The following SIRT2 variants were observed in gnomAD, a reference collection of about 807,000 sequenced individuals.
SIRT2 encodes the protein sirtuin 2.
In SIRT2, 40 loss-of-function variants were observed where a neutral mutation model predicts 57.4. That is an observed-to-expected ratio of 0.70 (90% CI 0.54 to 0.91). SIRT2 has a LOEUF of 0.91. Among genes scored for constraint, SIRT2 ranks in the 40% least tolerant of loss-of-function variants. SIRT2 has a pLI of 0.00. For missense variants in SIRT2, 439 were observed against 510.4 expected (o/e 0.86, Z 1.35); for synonymous variants, 161 against 195.7 (o/e 0.82, Z 1.48).
At chr19:38,898,248 G>C (rs937327571) in intron 2 of SIRT2, 131 bp downstream of exon 2, 3 of 523,560 alleles carry the variant, frequency 5.7e-6, no homozygotes, top group Admixed American at 4.0e-5. Context: ...AGCTGCACTG[G>C]GTGGTGTGAG....
At chr19:38,896,251 TAGCTA>T (rs1973713046) in intron 2 of SIRT2, among the ~76,000 whole-genome samples, 1 of 152,364 alleles carries the variant, frequency 6.6e-6, no homozygotes, top group East Asian at 1.9e-4. Flanking sequence ...TAACCACTGT[TAGCTA>T]AGCTTAATGG....
intron 2 of SIRT2, among the ~76,000 whole-genome samples, chr19:38,897,114 C>A (rs1327801060): frequency 2.6e-5 from 4 of 152,184 alleles, no homozygotes; most frequent in African/African-American, 9.6e-5. Flanking sequence ...TCAGATTCTG[C>A]ATCTGTAAAA....
intron 2 of SIRT2, among the ~76,000 whole-genome samples, chr19:38,895,615 C>T (rs1166046802): frequency 2.6e-5 from 4 of 152,224 alleles, no homozygotes; most frequent in Admixed American, 1.3e-4. Context: ...TCCGAACATA[C>T]GACAATTTAA....
rs147275971 is a variant in SIRT2, at chr19:38,892,900, G to A, written c.226+514C>T. On this transcript the variant is annotated intron_variant, in intron 4 of 15. Coordinates refer to ENST00000249396, the MANE Select transcript of SIRT2 (RefSeq NM_012237.4). ...GTCCTATATTAATTTATTTAGCCCC[G>A]CCAATAACCTTATGAGTTAGATACT... Among the ~76,000 whole-genome samples the A allele has an allele frequency of 2.5e-3, 385 of 152,178 alleles. 2 individuals carry two copies. Among genetic ancestry groups the A allele is most frequent in the African/African-American group, 8.8e-3 (364 of 41,516 alleles).
At chr19:38,885,752 A>G (rs544858116) in intron 8 of SIRT2, among the ~76,000 whole-genome samples, 3 of 151,766 alleles carry the variant, frequency 2.0e-5, no homozygotes, top group Admixed American at 1.3e-4. Context: ...CACCATGCCT[A>G]GCTAATTTTT....
chr19:38,887,645 G>GA (rs1973384666), intron 8 of SIRT2, among the ~76,000 whole-genome samples: 1 of 152,216 alleles, frequency 6.6e-6, no homozygotes, highest in South Asian at 2.1e-4. Context: ...CTTAAAGCCA[G>GA]TTGTTCCTCC....
chr19:38,885,408 G>GTTTTCTTTTC (rs1283970712), intron 8 of SIRT2, among the ~76,000 whole-genome samples: 1 of 150,326 alleles, frequency 6.7e-6, no homozygotes, highest in African/African-American at 2.4e-5. Flanking sequence ...CCCAGCCACT[G>GTTTTCTTTTC]TTTTCTTTTC....
chr19:38,891,659 A>C (rs980507544), intron 4 of SIRT2: 2 of 320,444 alleles, frequency 6.2e-6, no homozygotes, highest in African/African-American at 4.5e-5. Flanking sequence ...GTCTTGACCT[A>C]CTGGCCTCAA....
In SIRT2 at chr19:38,896,865, G is replaced by C. The variant is rs113461482; in HGVS notation, c.63+1514C>G. Among the ~76,000 whole-genome samples, 719 of 152,286 alleles carry C rather than the reference G, an allele frequency of 4.7e-3. 4 individuals carry two copies. The highest frequency in any genetic ancestry group is 0.017 in the African/African-American group (686 of 41,564). ...GCAATCTCAGGGGTGTGGGTGGGCT[G>C]GCACTCTTTCAGGCTGTACACAGTG... On this transcript the variant is annotated intron_variant, in intron 2 of 15. Transcript: ENST00000249396.
chr19:38,896,637 AT>A (rs1973725874), intron 2 of SIRT2, among the ~76,000 whole-genome samples: 1 of 152,162 alleles, frequency 6.6e-6, no homozygotes. Flanking sequence ...ACAATGCTGC[AT>A]TTTACATCCT....
chr19:38,881,141 C>CA lies in SIRT2; in HGVS notation c.705dup (p.Gly236TrpfsTer2), dbSNP rs1350730903. 3 of 1,612,680 alleles carry CA rather than the reference C, an allele frequency of 1.9e-6. No homozygotes were observed. Among genetic ancestry groups the CA allele is most frequent in the South Asian group, 1.1e-5 (1 of 90,736 alleles). On this transcript the variant is annotated frameshift_variant, in exon 11 of 16. Transcript: ENST00000249396. LOFTEE classifies it high-confidence loss of function. ...AAGAAACGCGCTGGGAGGCTCTCAC[C>CA]AAAAAAGACGATATCTGAGGTGGAG...
In SIRT2 at chr19:38,880,995, C is replaced by CT; in HGVS notation, c.748-99dup. ...CAAACCTCCCTGCCGCCCCCCATAG[C>CT]TGGGGAGGTGACCTTTCCTGAGGCA... On this transcript the variant is annotated intron_variant, in intron 11 of 15. Coordinates refer to ENST00000249396, the MANE Select transcript of SIRT2 (RefSeq NM_012237.4). The surrounding 1 kb of genome is among the most constrained non-coding windows in gnomAD (Gnocchi z 4.1). 6.5e-7 allele frequency: 1 copy of CT among 1,537,878 alleles called. No individual in the cohort carries two copies. Among genetic ancestry groups the CT allele is most frequent in the South Asian group, 1.1e-5 (1 of 88,398 alleles).
intron 7 of SIRT2, chr19:38,889,398 G>T: frequency 1.4e-6 from 1 of 699,490 alleles, no homozygotes; most frequent in Non-Finnish European, 2.7e-6. Flanking sequence ...TTCACACCCA[G>T]GCAGCCCGGC....
chr19:38,879,088 G>T lies in SIRT2; in HGVS notation c.*67C>A. 2.0e-6 allele frequency: 3 copies of T among 1,476,004 alleles called. No individual in the cohort carries two copies. The highest frequency in any genetic ancestry group is 2.8e-5 in the South Asian group (2 of 70,246). The allele number at this position is 1,476,004 out of a possible 1,614,324, so 91.4% of individuals were successfully genotyped here. On this transcript the variant is annotated 3_prime_UTR_variant, in exon 16 of 16. Coordinates refer to ENST00000249396, the MANE Select transcript of SIRT2 (RefSeq NM_012237.4). ...CAGACAAGAACTGCTGGTTAAGAGG[G>T]GGCCAGGCCCGGTTGGGGCTCAGCT... is the stretch of plus-strand genomic sequence containing the variant.
intron 7 of SIRT2, 151 bp from the exon 8 acceptor site, chr19:38,889,306 A>G (rs1219485591): frequency 1.3e-6 from 1 of 740,792 alleles, no homozygotes. Flanking sequence ...TGCTATCCCC[A>G]GATCACAGAT....
Position 38,883,670 on chromosome 19 carries a change from G to A in SIRT2, c.588C>T (p.Val196=), listed in dbSNP as rs1273921979. 1.2e-6 allele frequency: 2 copies of A among 1,614,026 alleles called. No homozygotes were observed. Among genetic ancestry groups the A allele is most frequent in the Non-Finnish European group, 1.7e-6 (2 of 1,180,008 alleles). ...GGTATTCGTGCCGGCAGCTGGCGCT[G>A]ACGCAGTGTGATGTGTAGAAGGTGC... ...AHGTFYTSHC[V]SASCRHEYPL... Residue 196 remains valine, a synonymous_variant, in exon 9 of 16, where the codon GTC becomes GTT. Coordinates refer to ENST00000249396, the MANE Select transcript of SIRT2 (RefSeq NM_012237.4).
At chr19:38,883,128 TG>T (rs1973210362) in intron 9 of SIRT2, among the ~76,000 whole-genome samples, 1 of 148,680 alleles carries the variant, frequency 6.7e-6, no homozygotes, top group Admixed American at 6.8e-5. Flanking sequence ...TTGCCCAAGC[TG>T]GAGTGCAATG....
chr19:38,893,867 C>G lies in SIRT2; in HGVS notation c.64G>C (p.Asp22His). 1 of 1,614,006 alleles carries G rather than the reference C, an allele frequency of 6.2e-7. No individual in the cohort carries two copies. Among genetic ancestry groups the G allele is most frequent in the South Asian group, 1.1e-5 (1 of 91,066 alleles). Residue 22 changes from aspartate to histidine, a missense_variant and splice_region_variant, in exon 3 of 16, where the codon GAC (aspartate) becomes CAC (histidine). By Grantham distance (81) the Asp-to-His change is moderately conservative. Transcript: ENST00000249396. ...CCTCCCTCAGAGTCTGAATCTGAGTCCTGGAAGGGGTGGGGTGGAGTGGCC... is the reference window on the plus strand; with the variant it reads ...CCTCCCTCAGAGTCTGAATCTGAGTGCTGGAAGGGGTGGGGTGGAGTGGCC... ...TQAGKVQEAQ[D>H]SDSDSEGGAA... is the part of the protein sequence containing the mutation.
chr19:38,889,142 T>C lies in SIRT2; in HGVS notation c.446A>G (p.His149Arg), dbSNP rs779520276. 1.2e-6 allele frequency: 2 copies of C among 1,613,120 alleles called. No individual in the cohort carries two copies. Among genetic ancestry groups the C allele is most frequent in the Admixed American group, 3.3e-5 (2 of 60,030 alleles). The change falls in exon 8 of 16, where the codon CAC (histidine) becomes CGC (arginine). Residue 149 changes from histidine (H) to arginine (R), a missense_variant. Physicochemically the swap from His to Arg is conservative, Grantham distance 29. Transcript: ENST00000249396. ...YPGQFKPTIC[H>R]YFMRLLKDKG... ...GTCCTTCAGCAGGCGCATGAAGTAG[T>C]GACAGATGGTTGGCTGCAGGGAAGA...
Sources: allele counts gnomAD v4.1 joint callset (sites outside exome capture counted in the v4.1 genomes callset), GRCh38; gene constraint gnomAD v4.1.1; non-coding constraint Gnocchi (gnomAD v3.1); transcripts MANE v1.5; gene names NCBI Gene and HGNC (gene_info 2026-07-23, HGNC 2026-07-21).